Variants in TNFRSF25 observed in about 807,000 individuals in gnomAD.
TNFRSF25 encodes the protein tumor necrosis factor receptor superfamily member 25.
TNFRSF25 carries 28 observed loss-of-function variants against 49.4 expected under a neutral mutation model. That is an observed-to-expected ratio of 0.57 (90% CI 0.42 to 0.78). TNFRSF25 has a LOEUF of 0.78. Among genes scored for constraint, TNFRSF25 ranks in the 30% least tolerant of loss-of-function variants. The probability of loss-of-function intolerance (pLI) is 0.00; values close to 1 mark genes in which losing one functional copy is unlikely to be tolerated. For synonymous variants in TNFRSF25, 240 were observed against 234.2 expected (o/e 1.02, Z -0.23); for missense variants, 531 against 581.6 (o/e 0.91, Z 0.90).
In TNFRSF25 at chr1:6,465,110, G is replaced by A; in HGVS notation, c.273C>T (p.Arg91=). 1 of 1,613,930 alleles carries A rather than the reference G, an allele frequency of 6.2e-7. No individual in the cohort carries two copies. The highest frequency in any genetic ancestry group is 8.5e-7 in the Non-Finnish European group (1 of 1,179,898). ...WENHHNSECA[R]CQACDEQASQ... is the part of the protein sequence containing the mutation. ...CACCCTGCTCATCACAGGCCTGGCA[G>A]CGGGCACATTCAGAATTATGGTGGT... Residue 91 remains arginine, a synonymous_variant, in exon 3 of 10, where the codon CGC becomes CGT. Coordinates refer to ENST00000356876, the MANE Select transcript of TNFRSF25 (RefSeq NM_003790.3).
At position 6,465,204 on chromosome 1, in the gene TNFRSF25, G is replaced by A; in HGVS notation, c.179C>T (p.Pro60Leu). The A allele has an allele frequency of 6.2e-7, 1 of 1,611,630 alleles. No homozygotes were observed. Among genetic ancestry groups the A allele is most frequent in the Non-Finnish European group, 8.5e-7 (1 of 1,179,350 alleles). ...GCPAGHYLKA[P>L]CTEPCGNSTC... Reference sequence around the variant, plus strand: ...GGAGTTGCCGCAGGGCTCCGTGCAAGGGGCCTTCAGGTAGTGCCCTGTGGA... The same window carrying A: ...GGAGTTGCCGCAGGGCTCCGTGCAAAGGGCCTTCAGGTAGTGCCCTGTGGA... Residue 60 changes from proline (P) to leucine (L), a missense_variant, in exon 3 of 10, where the codon CCT (proline) becomes CTT (leucine). Coordinates refer to ENST00000356876, the MANE Select transcript of TNFRSF25 (RefSeq NM_003790.3).
At chr1:6,464,944 C>T in intron 3 of TNFRSF25, 144 bp downstream of exon 3, 2 of 1,341,608 alleles carry the variant, frequency 1.5e-6, no homozygotes, top group African/African-American at 1.5e-5. Context: ...GGGGCAAGGG[C>T]ACCCTGAAGG....
At position 6,463,055 on chromosome 1, in the gene TNFRSF25, C is replaced by T; in HGVS notation, c.598+17G>A. ...CCATCCCAGTTCTCCCACTCGCATT[C>T]CCAGCACACCACCTACTCTGCCTCC... On this transcript the variant is annotated intron_variant, in intron 6 of 9. Coordinates refer to ENST00000356876, the MANE Select transcript of TNFRSF25 (RefSeq NM_003790.3). 4 of 1,552,130 alleles carry T rather than the reference C, an allele frequency of 2.6e-6. No individual in the cohort carries two copies. Among genetic ancestry groups the T allele is most frequent in the Non-Finnish European group, 3.5e-6 (4 of 1,147,220 alleles).
chr1:6,463,493 A>G (rs541002763), intron 5 of TNFRSF25: 29 of 230,732 alleles, frequency 1.3e-4, no homozygotes, highest in East Asian at 9.2e-4. Flanking sequence ...TTGGGAGGCC[A>G]AGGCGGGTGG....
intron 1 of TNFRSF25, 49 bp from the exon 2 acceptor site, chr1:6,465,609 C>T: frequency 6.3e-7 from 1 of 1,584,614 alleles, no homozygotes; most frequent in East Asian, 2.3e-5. Flanking sequence ...CACGTGGGGC[C>T]TCTCCCTGCT....
chr1:6,461,792 G>A lies in TNFRSF25; in HGVS notation c.926-30C>T. 6.7e-7 allele frequency: 1 copy of A among 1,483,026 alleles called. No individual in the cohort carries two copies. The highest frequency in any genetic ancestry group is 8.9e-7 in the Non-Finnish European group (1 of 1,118,298). 91.9% of individuals were successfully genotyped at this position (1,483,026 alleles called of 1,614,324 possible). A position where few individuals can be genotyped will look rare whatever the true frequency, so the allele number is the denominator to read the frequency against. On this transcript the variant is annotated intron_variant, in intron 9 of 9. Transcript: ENST00000356876. This position sits in a 1 kb window ranked among gnomAD's most constrained non-coding sequence, Gnocchi z 6.3. ...GGCAGGGCCAGAGAGAGCCAATTGG[G>A]GTACGTGGGCCGCGGTCGGGAGGCA...
chr1:6,461,742 G>T lies in TNFRSF25; in HGVS notation c.946C>A (p.Leu316Ile). 4 of 1,538,226 alleles carry T rather than the reference G, an allele frequency of 2.6e-6. No individual in the cohort carries two copies. Among genetic ancestry groups the T allele is most frequent in the Non-Finnish European group, 2.6e-6 (3 of 1,146,464 alleles). ...GAGCCGGCTGGGGACTCTGGCGAGA[G>T]TGTGGGCGCAGCAGCGGGGCCTGGG... ...RALGPAAAPT[L>I]SPESPAGSPA... The change falls in exon 10 of 10, where the codon CTC becomes ATC. Residue 316 changes from leucine (L) to isoleucine (I), a missense_variant. Physicochemically the swap from Leu to Ile is conservative, Grantham distance 5. Coordinates refer to ENST00000356876, the MANE Select transcript of TNFRSF25 (RefSeq NM_003790.3). This position sits in a 1 kb window ranked among gnomAD's most constrained non-coding sequence, Gnocchi z 6.3.
At chr1:6,463,034 C>G (rs1180927637) in intron 6 of TNFRSF25, 38 bp downstream of exon 6, 2 of 1,552,684 alleles carry the variant, frequency 1.3e-6, no homozygotes, top group African/African-American at 2.7e-5. Context: ...CTCGGTCCAT[C>G]CCAGTTCTCC....
intron 1 of TNFRSF25, chr1:6,465,820 C>G: frequency 7.0e-7 from 1 of 1,424,270 alleles, no homozygotes; most frequent in Non-Finnish European, 9.1e-7. Context: ...CGCCCCCACC[C>G]CCACCCATGC....
At chr1:6,464,826 A>C (rs1343140710) in intron 3 of TNFRSF25, 107 bp from the exon 4 acceptor site, 1 of 1,396,924 alleles carries the variant, frequency 7.2e-7, no homozygotes, top group East Asian at 2.4e-5. Context: ...AAATAGGCGA[A>C]AGACAGACAG....
Position 6,461,458 on chromosome 1 carries a change from G to T in TNFRSF25, c.1230C>A (p.Arg410=), listed in dbSNP as rs562793351. ...MGLDGCVEDL[R]SRLQRGP The stretch of plus-strand genomic sequence containing the variant: ...GTCACGGGCCGCGCTGCAGGCGGCT[G>T]CGCAAGTCTTCCACGCAGCCGTCCA... Residue 410 remains arginine, a synonymous_variant, in exon 10 of 10, where the codon CGC becomes CGA. Transcript: ENST00000356876. This position sits in a 1 kb window ranked among gnomAD's most constrained non-coding sequence, Gnocchi z 6.3. 39 of 1,540,966 alleles carry T rather than the reference G, an allele frequency of 2.5e-5. 1 individual carries two copies. In the African/African-American group the frequency reaches 4.0e-4, roughly 16 times the overall value.
In TNFRSF25 at chr1:6,466,091, C is replaced by G; in HGVS notation, c.17G>C (p.Arg6Pro). MEQRP[R>P]GCAAVAAALL... ...CACCGCCGCCACCGCCGCGCAGCCC[C>G]GCGGCCGCTGCTCCATAGCCCTCCG... is the stretch of plus-strand genomic sequence containing the variant. Residue 6 changes from arginine (R) to proline (P), a missense_variant, in exon 1 of 10, where the codon CGG becomes CCG. Transcript: ENST00000356876. 6.3e-7 allele frequency: 1 copy of G among 1,574,900 alleles called. No homozygotes were observed. The highest frequency in any genetic ancestry group is 1.1e-5 in the South Asian group (1 of 87,062).
intron 5 of TNFRSF25, chr1:6,463,348 A>C: frequency 1.7e-6 from 1 of 596,560 alleles, no homozygotes. Flanking sequence ...TCAACCCCAA[A>C]AGGACAGGGA....
intron 1 of TNFRSF25, 196 bp from the exon 2 acceptor site, chr1:6,465,756 G>A: frequency 1.4e-6 from 2 of 1,427,036 alleles, no homozygotes; most frequent in Non-Finnish European, 1.8e-6. Flanking sequence ...CTTCGGAGGG[G>A]GCGCTTACCA....
In TNFRSF25 at chr1:6,464,622, G is replaced by A; in HGVS notation, c.393C>T (p.Val131=). 2 of 1,614,096 alleles carry A rather than the reference G, an allele frequency of 1.2e-6. No individual in the cohort carries two copies. The highest frequency in any genetic ancestry group is 1.7e-6 in the Non-Finnish European group (2 of 1,180,016). Reference sequence around the variant, plus strand: ...GTTGGCAGTAGAAGGGTGAACTGCTGACACATTGGCTGACCTGGCACTCCA... The same window carrying A: ...GTTGGCAGTAGAAGGGTGAACTGCTAACACATTGGCTGACCTGGCACTCCA... The part of the protein sequence containing the change: ...WFVECQVSQC[V]SSSPFYCQPC... Residue 131 remains valine, a synonymous_variant, in exon 4 of 10, where the codon GTC becomes GTT. Transcript: ENST00000356876.
Position 6,462,910 on chromosome 1 carries a change from A to C in TNFRSF25, c.659T>G (p.Leu220Arg), listed in dbSNP as rs778039219. The C allele has an allele frequency of 1.2e-6, 2 of 1,602,204 alleles. No homozygotes were observed. ...LVVPLLLGATLTYTYRHCWPH... is the reference protein window; with the variant it reads ...LVVPLLLGATRTYTYRHCWPH... ...CCAGCAGTGGCGGTATGTGTAGGTC[A>C]GGGTGGCCCCAAGCAGGAGGGGGAC... Residue 220 changes from leucine to arginine, a missense_variant, in exon 7 of 10, where the codon CTG (leucine) becomes CGG (arginine). Leu to Arg is a moderately radical substitution (Grantham distance 102). Coordinates refer to ENST00000356876, the MANE Select transcript of TNFRSF25 (RefSeq NM_003790.3). This position sits in a 1 kb window ranked among gnomAD's most constrained non-coding sequence, Gnocchi z 4.2.
At chr1:6,463,875 A>C (rs2148560509) in intron 5 of TNFRSF25, 1 of 157,184 alleles carries the variant, frequency 6.4e-6, no homozygotes, top group Non-Finnish European at 1.4e-5. Context: ...CACTTGCCCA[A>C]GATCCCCTAG....
chr1:6,461,151 TTTTTGTTTTG>T lies in TNFRSF25; in HGVS notation c.*273_*282del. ...GCCCCGCAGAAACGCCAAGAAGCCG[TTTTTGTTTTG>T]TTTTGTTTTCTTTCACAGATTTAAT... On this transcript the variant is annotated 3_prime_UTR_variant, in exon 10 of 10. Coordinates refer to ENST00000356876, the MANE Select transcript of TNFRSF25 (RefSeq NM_003790.3). The surrounding 1 kb of genome is among the most constrained non-coding windows in gnomAD (Gnocchi z 6.3). 1 of 639,284 alleles carries T rather than the reference TTTTTGTTTTG, an allele frequency of 1.6e-6. No homozygotes were observed. The highest frequency in any genetic ancestry group is 3.0e-6 in the Non-Finnish European group (1 of 336,782). The allele number at this position is 639,284 out of a possible 1,614,324, so 39.6% of individuals were successfully genotyped here.
In TNFRSF25 at chr1:6,462,777, C is replaced by T; in HGVS notation, c.706+86G>A. ...CACCCCACACTCCCTGCCTCAGTTT[C>T]CCCTTCTGTATCAGGGTTGAGTAGA... On this transcript the variant is annotated intron_variant, in intron 7 of 9. Coordinates refer to ENST00000356876, the MANE Select transcript of TNFRSF25 (RefSeq NM_003790.3). The surrounding 1 kb of genome is among the most constrained non-coding windows in gnomAD (Gnocchi z 4.2). 1 of 1,569,282 alleles carries T rather than the reference C, an allele frequency of 6.4e-7. No homozygotes were observed. The highest frequency in any genetic ancestry group is 1.4e-5 in the African/African-American group (1 of 74,046).
Sources: allele counts gnomAD v4.1 joint callset, GRCh38; gene constraint gnomAD v4.1.1; non-coding constraint Gnocchi (gnomAD v3.1); transcripts MANE v1.5; gene names NCBI Gene and HGNC (gene_info 2026-07-23, HGNC 2026-07-21).